Variants in KIAA1217 observed in about 807,000 individuals in gnomAD.
KIAA1217 encodes sickle tail protein homolog.
Under a neutral mutation model 163.9 loss-of-function variants are expected in KIAA1217, and 88 were observed. That is an observed-to-expected ratio of 0.54 (90% CI 0.45 to 0.64). The LOEUF is 0.64. Ranked by LOEUF, KIAA1217 falls within the 30% of genes least tolerant of loss-of-function variation. The pLI, the probability that KIAA1217 is intolerant of heterozygous loss-of-function variation, is 0.00. For synonymous variants in KIAA1217, 903 were observed against 923.1 expected (o/e 0.98, Z 0.39); for missense variants, 2,372 against 2,475.0 (o/e 0.96, Z 0.88).
intron 1 of KIAA1217, among the ~76,000 whole-genome samples, chr10:23,738,034 T>C (rs927402274): frequency 2.0e-5 from 3 of 152,138 alleles, no homozygotes; most frequent in Non-Finnish European, 2.9e-5. Context: ...TAGATATATA[T>C]ATAAAATCCT....
rs561524007 is a variant in KIAA1217, at chr10:23,984,939, G to A, written c.-320-22286G>A. On this transcript the variant is annotated intron_variant, in intron 1 of 18. Coordinates refer to the KIAA1217 transcript ENST00000376462. ...AACTTAAAGTATTAAAAAAAAAAAAGCCTTGAATGTTTTCCATGTATTTGA... is the reference window on the plus strand; with the variant it reads ...AACTTAAAGTATTAAAAAAAAAAAAACCTTGAATGTTTTCCATGTATTTGA... Among the ~76,000 whole-genome samples, 4 of 149,466 alleles carry A rather than the reference G, an allele frequency of 2.7e-5. No individual in the cohort carries two copies. In the East Asian group the frequency reaches 8.0e-4, roughly 30 times the overall value.
intron 2 of KIAA1217, among the ~76,000 whole-genome samples, chr10:24,083,000 T>C (rs2061586884): frequency 6.6e-6 from 1 of 152,234 alleles, no homozygotes; most frequent in Non-Finnish European, 1.5e-5. Context: ...TGATCAGTGA[T>C]GTTGAGCATT....
intron 2 of KIAA1217, among the ~76,000 whole-genome samples, chr10:24,137,089 A>G (rs1589633263): frequency 6.6e-6 from 1 of 152,342 alleles, no homozygotes; most frequent in South Asian, 2.1e-4. Context: ...TGACATATTC[A>G]TGTAAAAACA....
chr10:23,827,467 C>T (rs957984125), intron 1 of KIAA1217, among the ~76,000 whole-genome samples: 2 of 152,014 alleles, frequency 1.3e-5, no homozygotes, highest in African/African-American at 4.8e-5. Flanking sequence ...ACTCAATAAA[C>T]GTTTGTTTGT....
chr10:24,368,334 G>A (rs1203773378), intron 2 of KIAA1217, among the ~76,000 whole-genome samples: 1 of 152,110 alleles, frequency 6.6e-6, no homozygotes, highest in East Asian at 1.9e-4. Flanking sequence ...TCAGAATAGA[G>A]ATTTGACATT....
chr10:24,484,180 T>A (rs1315252390), intron 6 of KIAA1217, among the ~76,000 whole-genome samples: 1 of 145,648 alleles, frequency 6.9e-6, no homozygotes, highest in Non-Finnish European at 1.5e-5. Context: ...TATATATAGA[T>A]ATACATATAT....
intron 1 of KIAA1217, among the ~76,000 whole-genome samples, chr10:23,975,544 A>G (rs140614285): frequency 5.9e-4 from 90 of 152,334 alleles, no homozygotes; most frequent in African/African-American, 2.0e-3. Flanking sequence ...ACTTCCTTGT[A>G]TGAGTGAGTC....
intron 2 of KIAA1217, among the ~76,000 whole-genome samples, chr10:24,236,602 C>G (rs1392154395): frequency 6.6e-6 from 1 of 151,888 alleles, no homozygotes; most frequent in Non-Finnish European, 1.5e-5. Flanking sequence ...CCTCTTTCCC[C>G]AGCTGTTTGT....
intron 1 of KIAA1217, among the ~76,000 whole-genome samples, chr10:23,918,495 G>A (rs1430303448): frequency 6.6e-6 from 1 of 152,086 alleles, no homozygotes; most frequent in African/African-American, 2.4e-5. Context: ...GCAGTCTGCT[G>A]CAGTGCTGGG....
At chr10:24,178,898 C>A (rs2131943025) in intron 2 of KIAA1217, among the ~76,000 whole-genome samples, 1 of 151,956 alleles carries the variant, frequency 6.6e-6, no homozygotes, top group East Asian at 1.9e-4. Flanking sequence ...TTTAAGTATC[C>A]CAAATTTTAG....
At chr10:23,872,397 A>T (rs1840496352) in intron 1 of KIAA1217, among the ~76,000 whole-genome samples, 1 of 152,080 alleles carries the variant, frequency 6.6e-6, no homozygotes, top group African/African-American at 2.4e-5. Context: ...AGCTTCTAGA[A>T]AGAAAACAAA....
intron 2 of KIAA1217, among the ~76,000 whole-genome samples, chr10:24,161,823 A>C (rs566570157): frequency 6.6e-6 from 1 of 152,212 alleles, no homozygotes; most frequent in Non-Finnish European, 1.5e-5. Context: ...AAGGACACCC[A>C]TAGAGACAAG....
At chr10:23,981,527 A>C (rs1241857678) in intron 1 of KIAA1217, among the ~76,000 whole-genome samples, 1 of 152,226 alleles carries the variant, frequency 6.6e-6, no homozygotes, top group Non-Finnish European at 1.5e-5. Context: ...TACGCAAGTG[A>C]GGGTCATTTT....
chr10:24,152,698 CT>C (rs1287449152), intron 2 of KIAA1217, among the ~76,000 whole-genome samples: 1 of 150,238 alleles, frequency 6.7e-6, no homozygotes, highest in Non-Finnish European at 1.5e-5. Flanking sequence ...CGTAAATAAA[CT>C]TTACTATCTT....
intron 1 of KIAA1217, among the ~76,000 whole-genome samples, chr10:23,930,143 G>A (rs925020827): frequency 2.6e-5 from 4 of 151,980 alleles, no homozygotes; most frequent in African/African-American, 9.7e-5. Flanking sequence ...GATGACTGAT[G>A]TTGAGCATTT....
intron 2 of KIAA1217, among the ~76,000 whole-genome samples, chr10:24,147,862 A>AG (rs2064407265): frequency 4.9e-5 from 7 of 143,630 alleles, no homozygotes; most frequent in Non-Finnish European, 1.1e-4. Context: ...AAAAAAAAAA[A>AG]GAAAGAAAGA....
At chr10:23,909,289 C>T (rs1406796936) in intron 1 of KIAA1217, among the ~76,000 whole-genome samples, 2 of 151,942 alleles carry the variant, frequency 1.3e-5, no homozygotes, top group African/African-American at 4.8e-5. Context: ...CAGAATCTCA[C>T]AAAACACCAC....
intron 2 of KIAA1217, among the ~76,000 whole-genome samples, chr10:24,275,152 G>A (rs987393976): frequency 6.6e-6 from 1 of 152,044 alleles, no homozygotes; most frequent in Non-Finnish European, 1.5e-5. Context: ...CTATGTTTTT[G>A]AGGTCTTAAT....
chr10:24,048,002 A>G (rs1849166193), intron 2 of KIAA1217, among the ~76,000 whole-genome samples: 1 of 152,344 alleles, frequency 6.6e-6, no homozygotes, highest in African/African-American at 2.4e-5. Flanking sequence ...TACTTTTTCT[A>G]GTATTTTCCA....
Sources: allele counts gnomAD v4.1 joint callset (sites outside exome capture counted in the v4.1 genomes callset), GRCh38; gene constraint gnomAD v4.1.1; transcripts MANE v1.5; gene names NCBI Gene and HGNC (gene_info 2026-07-23, HGNC 2026-07-21).